Variants in DOK6 observed in about 807,000 individuals in gnomAD.
DOK6 encodes docking protein 6, also known as downstream of tyrosine kinase 6.
A neutral mutation model predicts 44.0 loss-of-function variants in DOK6; 22 were observed. That is an observed-to-expected ratio of 0.50 (90% CI 0.36 to 0.71). The LOEUF is 0.71. Among genes scored for constraint, DOK6 ranks in the 30% least tolerant of loss-of-function variants. DOK6 has a pLI of 0.00. For synonymous variants in DOK6, 166 were observed against 145.5 expected (o/e 1.14, Z -1.01); for missense variants, 340 against 416.4 (o/e 0.82, Z 1.60).
At chr18:69,505,030 C>G (rs1395686306) in intron 1 of DOK6, among the ~76,000 whole-genome samples, 4 of 152,194 alleles carry the variant, frequency 2.6e-5, no homozygotes, top group African/African-American at 9.6e-5. Context: ...ATCCATATAA[C>G]TGTTTGTAAC....
At chr18:69,642,399 A>C (rs1984965512) in intron 3 of DOK6, among the ~76,000 whole-genome samples, 1 of 152,060 alleles carries the variant, frequency 6.6e-6, no homozygotes, top group African/African-American at 2.4e-5. Context: ...TAGGCATGGT[A>C]GTGGTACATG....
chr18:69,659,441 G>T (rs1468827610), intron 3 of DOK6, among the ~76,000 whole-genome samples: 1 of 152,188 alleles, frequency 6.6e-6, no homozygotes, highest in Non-Finnish European at 1.5e-5. Flanking sequence ...TAGGTTATGT[G>T]TTTCTGCACA....
At chr18:69,589,434 A>C (rs2144615703) in intron 2 of DOK6, among the ~76,000 whole-genome samples, 1 of 151,696 alleles carries the variant, frequency 6.6e-6, no homozygotes, top group Admixed American at 6.6e-5. Context: ...ATGAAAGAAT[A>C]GTAAAATTTA....
intron 6 of DOK6, among the ~76,000 whole-genome samples, chr18:69,756,261 T>C (rs1979351471): frequency 6.6e-6 from 1 of 152,182 alleles, no homozygotes; most frequent in African/African-American, 2.4e-5. Context: ...CACTACTCTA[T>C]GATAACCCAG....
chr18:69,462,357 G>A (rs192667515), intron 1 of DOK6, among the ~76,000 whole-genome samples: 1 of 152,142 alleles, frequency 6.6e-6, no homozygotes, highest in East Asian at 1.9e-4. Flanking sequence ...AGGCTATTAA[G>A]TGTAGTATAT....
chr18:69,716,495 G>A (rs986433864), intron 5 of DOK6, among the ~76,000 whole-genome samples: 1 of 152,000 alleles, frequency 6.6e-6, no homozygotes, highest in Non-Finnish European at 1.5e-5. Context: ...GAAATAGCTC[G>A]GGTTTTATTT....
intron 4 of DOK6, among the ~76,000 whole-genome samples, chr18:69,686,914 A>G (rs2144693044): frequency 6.6e-6 from 1 of 152,304 alleles, no homozygotes; most frequent in Non-Finnish European, 1.5e-5. Context: ...ATTTAAAAAA[A>G]TAATATGTTA....
At chr18:69,420,627 G>A (rs1004475716) in intron 1 of DOK6, among the ~76,000 whole-genome samples, 3 of 152,032 alleles carry the variant, frequency 2.0e-5, no homozygotes, top group African/African-American at 7.2e-5. Flanking sequence ...ATCTCCTAAT[G>A]CTATCCCTCA....
At chr18:69,615,755 G>A (rs1029422767) in intron 3 of DOK6, among the ~76,000 whole-genome samples, 6 of 152,182 alleles carry the variant, frequency 3.9e-5, no homozygotes, top group African/African-American at 1.4e-4. Flanking sequence ...ACAAACCAGA[G>A]ACAGAACTGA....
chr18:69,710,145 C>T (rs1337016759), intron 5 of DOK6, among the ~76,000 whole-genome samples: 3 of 152,152 alleles, frequency 2.0e-5, no homozygotes, highest in Non-Finnish European at 4.4e-5. Flanking sequence ...TGCCACTGCA[C>T]TCTAGCCTGG....
At chr18:69,473,468 G>A (rs753826224) in intron 1 of DOK6, among the ~76,000 whole-genome samples, 2 of 152,084 alleles carry the variant, frequency 1.3e-5, no homozygotes, top group African/African-American at 4.8e-5. Flanking sequence ...GGTTCCTGTC[G>A]TGGTTGAGGC....
intron 1 of DOK6, among the ~76,000 whole-genome samples, chr18:69,548,772 TA>T (rs1555712110): frequency 6.6e-6 from 1 of 151,574 alleles, no homozygotes; most frequent in Non-Finnish European, 1.5e-5. Context: ...TAAGAATTTT[TA>T]ATTGTAAGAG....
chr18:69,691,685 C>CCA (rs1986271650), intron 4 of DOK6, among the ~76,000 whole-genome samples: 1 of 152,206 alleles, frequency 6.6e-6, no homozygotes, highest in Non-Finnish European at 1.5e-5. Context: ...AGATACACTG[C>CCA]CACATTCAGT....
At chr18:69,767,150 T>C (rs1430508361) in intron 7 of DOK6, among the ~76,000 whole-genome samples, 2 of 152,100 alleles carry the variant, frequency 1.3e-5, no homozygotes, top group Admixed American at 6.6e-5. Context: ...AAGAATAGTT[T>C]GAACCCGGGA....
At chr18:69,558,299 G>A (rs1982739246) in intron 1 of DOK6, among the ~76,000 whole-genome samples, 1 of 152,010 alleles carries the variant, frequency 6.6e-6, no homozygotes, top group Non-Finnish European at 1.5e-5. Context: ...CTTCTGGTAC[G>A]GAGGTGGCTT....
chr18:69,516,515 G>A (rs537667028), intron 1 of DOK6, among the ~76,000 whole-genome samples: 4 of 152,228 alleles, frequency 2.6e-5, no homozygotes, highest in South Asian at 4.1e-4. Flanking sequence ...TCATTTGCAA[G>A]AAACAATGAG....
intron 3 of DOK6, among the ~76,000 whole-genome samples, chr18:69,642,145 T>C (rs139892435): frequency 6.6e-6 from 1 of 152,290 alleles, no homozygotes; most frequent in African/African-American, 2.4e-5. Flanking sequence ...TTTTACTGGG[T>C]CTTTGAAAGT....
chr18:69,560,816 G>C (rs1284164930), intron 1 of DOK6, among the ~76,000 whole-genome samples: 1 of 152,148 alleles, frequency 6.6e-6, no homozygotes, highest in African/African-American at 2.4e-5. Flanking sequence ...CAAGCTCAGA[G>C]AGATAAATGC....
intron 1 of DOK6, among the ~76,000 whole-genome samples, chr18:69,563,781 A>C (rs9962017): frequency 0.93 from 141,156 of 151,812 alleles, 66,528 homozygotes; most frequent in East Asian, 1. Context: ...TGCGCATATA[A>C]CCTAAAACTT....
Sources: allele counts gnomAD v4.1 joint callset (sites outside exome capture counted in the v4.1 genomes callset), GRCh38; gene constraint gnomAD v4.1.1; transcripts MANE v1.5; gene names NCBI Gene and HGNC (gene_info 2026-07-23, HGNC 2026-07-21).